The following FHOD3 variants were observed in gnomAD, a reference collection of about 807,000 sequenced individuals.
FHOD3 encodes the protein FH1/FH2 domain-containing protein 3.
In FHOD3, 90 loss-of-function variants were observed where a neutral mutation model predicts 173.0. The observed-to-expected ratio is 0.52, with a 90% CI of 0.44 to 0.62. The LOEUF (loss-of-function observed/expected upper bound fraction) is 0.62, where lower values mean the gene tolerates loss of function less well. Among genes scored for constraint, FHOD3 ranks in the 20% least tolerant of loss-of-function variants. The probability of loss-of-function intolerance (pLI) is 0.00; values close to 1 mark genes in which losing one functional copy is unlikely to be tolerated. For missense variants in FHOD3, 1,945 were observed against 2,034.7 expected, an observed-to-expected ratio of 0.96 and a Z score of 0.85; for synonymous variants, 828 against 823.0, an observed-to-expected ratio of 1.01 and a Z score of -0.10.
intron 1 of FHOD3, 83 bp from the exon 2 acceptor site, chr18:36,355,456 A>G (rs1397431570): frequency 9.0e-6 from 10 of 1,116,874 alleles, no homozygotes; most frequent in Non-Finnish European, 1.3e-5. Context: ...TACAAAACAC[A>G]GGAGGGCAAC....
At chr18:36,655,920 G>A (rs959502439) in intron 13 of FHOD3, among the ~76,000 whole-genome samples, 1 of 152,198 alleles carries the variant, frequency 6.6e-6, no homozygotes, top group Admixed American at 6.5e-5. Context: ...TATTTCCATA[G>A]CGTCATTTAA....
chr18:36,336,848 C>CA (rs36099993), intron 1 of FHOD3, among the ~76,000 whole-genome samples: 21,598 of 35,786 alleles, frequency 0.6, 8,263 homozygotes, highest in Non-Finnish European at 0.81. Flanking sequence ...AACTCCGTCT[C>CA]AAAAAAAAAA....
At chr18:36,499,073 T>TTTTTG (rs149323059) in intron 3 of FHOD3, among the ~76,000 whole-genome samples, 3,010 of 151,066 alleles carry the variant, frequency 0.02, 36 homozygotes, top group Non-Finnish European at 0.027. Context: ...CCTATTGCTA[T>TTTTTG]TTTTGTTTTG....
chr18:36,478,090 T>C (rs961249020), intron 3 of FHOD3, among the ~76,000 whole-genome samples: 2 of 152,098 alleles, frequency 1.3e-5, no homozygotes, highest in African/African-American at 4.8e-5. Context: ...CAGCGAATGA[T>C]GGTAGTGGGG....
chr18:36,327,486 T>C lies in FHOD3; in HGVS notation c.166-28053T>C, dbSNP rs75656571. Among the ~76,000 whole-genome samples the C allele has an allele frequency of 6.6e-3, 1,008 of 152,342 alleles. 9 individuals are homozygous for C. The highest frequency in any genetic ancestry group is 0.023 in the African/African-American group (959 of 41,572). ...TGCCAGATGTTTTACCTACAAAATCTCAACTCCTCACAGTGACTCTGCAAG... is the reference window on the plus strand; with the variant it reads ...TGCCAGATGTTTTACCTACAAAATCCCAACTCCTCACAGTGACTCTGCAAG... On this transcript the variant is annotated intron_variant, in intron 1 of 28. Transcript: ENST00000590592.
intron 14 of FHOD3, among the ~76,000 whole-genome samples, chr18:36,661,722 C>G (rs2036818508): frequency 6.6e-6 from 1 of 152,174 alleles, no homozygotes; most frequent in Admixed American, 6.5e-5. Flanking sequence ...GTTGATAAAA[C>G]TTGGAATGAT....
chr18:36,352,461 G>A (rs2046175623), intron 1 of FHOD3, among the ~76,000 whole-genome samples: 1 of 152,196 alleles, frequency 6.6e-6, no homozygotes, highest in African/African-American at 2.4e-5. Flanking sequence ...ATACTGGTGA[G>A]CTGCTGCACA....
intron 10 of FHOD3, among the ~76,000 whole-genome samples, chr18:36,628,224 A>C (rs1390727983): frequency 6.6e-6 from 1 of 152,208 alleles, no homozygotes; most frequent in African/African-American, 2.4e-5. Flanking sequence ...TCATTGTACA[A>C]GTGAGAAAAC....
chr18:36,546,262 A>T (rs1283951891), intron 5 of FHOD3, among the ~76,000 whole-genome samples: 1 of 152,188 alleles, frequency 6.6e-6, no homozygotes, highest in Non-Finnish European at 1.5e-5. Context: ...CCTGGTATGT[A>T]CTAACTGCTA....
intron 14 of FHOD3, among the ~76,000 whole-genome samples, chr18:36,667,693 T>C (rs980713917): frequency 9.9e-5 from 15 of 152,142 alleles, no homozygotes; most frequent in African/African-American, 3.6e-4. Flanking sequence ...GCTTACAGAA[T>C]TGAAAGCATG....
chr18:36,627,808 A>G (rs1472871289), intron 10 of FHOD3, among the ~76,000 whole-genome samples: 2 of 152,190 alleles, frequency 1.3e-5, no homozygotes, highest in Non-Finnish European at 2.9e-5. Flanking sequence ...TTCTTCCTGC[A>G]TAGCTTAGTC....
chr18:36,636,410 C>G (rs1444179931), intron 10 of FHOD3, among the ~76,000 whole-genome samples: 2 of 152,096 alleles, frequency 1.3e-5, no homozygotes, highest in Non-Finnish European at 2.9e-5. Context: ...GGTGGTAACT[C>G]TTCATTGATG....
intron 4 of FHOD3, among the ~76,000 whole-genome samples, chr18:36,510,887 C>A (rs954374517): frequency 6.6e-6 from 1 of 152,162 alleles, no homozygotes; most frequent in East Asian, 1.9e-4. Context: ...CCCTTCCCCC[C>A]AGGTCAGCTC....
chr18:36,666,759 G>T (rs2037207199), intron 14 of FHOD3, among the ~76,000 whole-genome samples: 1 of 152,166 alleles, frequency 6.6e-6, no homozygotes, highest in Admixed American at 6.5e-5. Context: ...CTTACCAAGG[G>T]ATATTTTTTT....
intron 8 of FHOD3, among the ~76,000 whole-genome samples, chr18:36,604,810 A>G: frequency 6.6e-6 from 1 of 152,204 alleles, no homozygotes; most frequent in East Asian, 1.9e-4. Context: ...GAAAATCACA[A>G]ATTATAACTA....
At chr18:36,600,680 A>G (rs2031247182) in intron 7 of FHOD3, among the ~76,000 whole-genome samples, 1 of 152,192 alleles carries the variant, frequency 6.6e-6, no homozygotes, top group Non-Finnish European at 1.5e-5. Flanking sequence ...ACACATGTGC[A>G]TGTGTCTGTT....
At chr18:36,317,605 C>A (rs2044192143) in intron 1 of FHOD3, among the ~76,000 whole-genome samples, 1 of 151,970 alleles carries the variant, frequency 6.6e-6, no homozygotes. Context: ...TGTTTAAGTT[C>A]TTTGTAGATT....
rs146286467 is a variant in FHOD3, at chr18:36,476,811, G to A, written c.338-25121G>A. 1.5e-3 allele frequency among the ~76,000 whole-genome samples: 233 copies of A among 152,282 alleles called. 1 individual carries two copies. The highest frequency in any genetic ancestry group is 5.1e-3 in the African/African-American group (212 of 41,572). On this transcript the variant is annotated intron_variant, in intron 3 of 28. Coordinates refer to ENST00000590592, the MANE Select transcript of FHOD3 (RefSeq NM_001281740.3). ...AAACTGGGTATAGTCAATTCAGTGT[G>A]GGGGCATGAAGGTCAGTTAAGCCAA...
At position 36,611,987 on chromosome 18, in the gene FHOD3, C is replaced by T. The variant is rs759327678; in HGVS notation, c.849C>T (p.Tyr283=). The T allele has an allele frequency of 8.7e-6, 14 of 1,614,098 alleles. No individual in the cohort carries two copies. The highest frequency in any genetic ancestry group is 2.2e-5 in the South Asian group (2 of 91,076). The change falls in exon 9 of 29, where the codon TAC becomes TAT. Residue 283 remains tyrosine (Y), a synonymous_variant. Transcript: ENST00000590592. ...LSGLPDQDTF[Y]DVVDCLEELG... Reference sequence around the variant, plus strand: ...GACTACCAGACCAAGACACCTTCTACGACGTCGTGGACTGCCTGGAGGAGC... The same window carrying T: ...GACTACCAGACCAAGACACCTTCTATGACGTCGTGGACTGCCTGGAGGAGC...
Sources: gnomAD v4.1 joint callset for allele counts (sites outside exome capture counted in the v4.1 genomes callset) on GRCh38, gnomAD v4.1.1 for gene constraint, MANE v1.5 for transcripts, NCBI Gene and HGNC (gene_info 2026-07-23, HGNC 2026-07-21) for gene names.